The following POR variants were observed in gnomAD, a reference collection of about 807,000 sequenced individuals.
The protein encoded by POR is cytochrome p450 oxidoreductase.
Under a neutral mutation model 84.0 loss-of-function variants are expected in POR, and 56 were observed. The observed-to-expected ratio is 0.67, with a 90% confidence interval of 0.54 to 0.83. The LOEUF (loss-of-function observed/expected upper bound fraction) is 0.83, where lower values mean the gene tolerates loss of function less well. Ranked by LOEUF, POR falls within the 40% of genes least tolerant of loss-of-function variation. The pLI is 0.00. For synonymous variants in POR, 414 were observed against 400.5 expected, an observed-to-expected ratio of 1.03 and a Z score of -0.40; for missense variants, 938 against 944.3, an observed-to-expected ratio of 0.99 and a Z score of 0.09.
chr7:75,972,333 T>C (rs571153234), intron 2 of POR, 80 bp from the exon 3 acceptor site: 9 of 1,304,310 alleles, frequency 6.9e-6, no homozygotes, highest in African/African-American at 1.5e-5. Flanking sequence ...GAAACCTGCA[T>C]CTAAGGACAC....
At chr7:75,975,749 T>C (rs1788652550) in intron 3 of POR, among the ~76,000 whole-genome samples, 1 of 152,066 alleles carries the variant, frequency 6.6e-6, no homozygotes, top group African/African-American at 2.4e-5. Context: ...TTTTAATATA[T>C]GGATTCTTAC....
rs782633009 is a variant in POR at position 75,986,563 on chromosome 7, T to G, written c.*82T>G. ...TCCCTCCCGTAGTCTCCTGGGTGTG[T>G]TTGGCTTGGCCTTGGCATGGGCGCA... On this transcript the variant is annotated 3_prime_UTR_variant, in exon 16 of 16. Coordinates refer to ENST00000461988, the MANE Select transcript of POR (RefSeq NM_000941.3). 201 of 1,519,570 alleles carry G rather than the reference T, an allele frequency of 1.3e-4. No individual in the cohort carries two copies. The highest frequency in any genetic ancestry group is 1.7e-4 in the South Asian group (14 of 83,374). The allele number at this position is 1,519,570 out of a possible 1,614,324, so 94.1% of individuals were successfully genotyped here.
intron 1 of POR, among the ~76,000 whole-genome samples, chr7:75,925,651 C>T (rs1217409817): frequency 2.6e-5 from 4 of 152,200 alleles, no homozygotes; most frequent in Admixed American, 6.5e-5. Flanking sequence ...AAGCTCTCTT[C>T]GAGGTGCTGG....
At position 75,986,024 on chromosome 7, in the gene POR, C is replaced by T. The variant is rs1554559311; in HGVS notation, c.1771C>T (p.Leu591Phe). ...GGCGCAGTTCCACAGGGACGGTGCG[C>T]TCACCCAGCTCAACGTGGCCTTCTC... is the stretch of plus-strand genomic sequence containing the variant. The change falls in exon 14 of 16, where the codon CTC becomes TTC. Residue 591 changes from leucine (L) to phenylalanine (F), a missense_variant. Leu to Phe is a conservative substitution (Grantham distance 22). Coordinates refer to ENST00000461988, the MANE Select transcript of POR (RefSeq NM_000941.3). The T allele has an allele frequency of 6.4e-7, 1 of 1,562,112 alleles. No individual in the cohort carries two copies. Among genetic ancestry groups the T allele is most frequent in the Non-Finnish European group, 8.7e-7 (1 of 1,154,216 alleles).
At chr7:75,955,061 C>T (rs1194084185) in intron 2 of POR, among the ~76,000 whole-genome samples, 2 of 152,190 alleles carry the variant, frequency 1.3e-5, no homozygotes, top group Middle Eastern at 3.4e-3. Flanking sequence ...GGGCTGGTCT[C>T]GAACACCTGG....
At chr7:75,940,741 G>A (rs988977100) in intron 1 of POR, among the ~76,000 whole-genome samples, 11 of 150,862 alleles carry the variant, frequency 7.3e-5, no homozygotes, top group South Asian at 4.2e-4. Context: ...CTGAGATTGC[G>A]CCACTGTACT....
In POR at chr7:75,983,513, C is replaced by T; in HGVS notation, c.831-7C>T. 6.2e-7 allele frequency: 1 copy of T among 1,607,416 alleles called. No homozygotes were observed. Among genetic ancestry groups the T allele is most frequent in the Non-Finnish European group, 8.5e-7 (1 of 1,174,974 alleles). The stretch of plus-strand genomic sequence containing the variant: ...CCGCTCACTGTGCTTCTCTCCTCCC[C>T]ACCCAGCCCCTTTGATGCCAAGAAT... On this transcript the variant is annotated splice_region_variant and splice_polypyrimidine_tract_variant and intron_variant, in intron 8 of 15. Coordinates refer to ENST00000461988, the MANE Select transcript of POR (RefSeq NM_000941.3).
At chr7:75,968,205 A>C (rs543976648) in intron 2 of POR, 140 of 464,766 alleles carry the variant, frequency 3.0e-4, no homozygotes, top group Non-Finnish European at 5.6e-4. Context: ...CCCTCACTCG[A>C]GTGTGGGAGA....
chr7:75,940,592 G>A (rs889770036), intron 1 of POR, among the ~76,000 whole-genome samples: 2 of 150,882 alleles, frequency 1.3e-5, no homozygotes, highest in Non-Finnish European at 1.5e-5. Context: ...AGACCATCCT[G>A]GCTAATATGG....
chr7:75,936,274 T>C (rs868969306), intron 1 of POR, among the ~76,000 whole-genome samples: 1,534 of 151,118 alleles, frequency 0.01, 35 homozygotes, highest in African/African-American at 0.036. Context: ...TGGATAATTT[T>C]TTTTTTTTTT....
Position 75,985,183 on chromosome 7 carries a change from C to T in POR, c.1374C>T (p.Tyr458=). 6.3e-7 allele frequency: 1 copy of T among 1,597,638 alleles called. No homozygotes were observed. The change falls in exon 12 of 16, where the codon TAC becomes TAT. Residue 458 remains tyrosine, a synonymous_variant. Transcript: ENST00000461988. Reference sequence around the variant, plus strand: ...TGCTGCCGCGCCTGCAGGCCCGCTACTACTCCATCGCCTCATCCTCCAAGG... The same window carrying T: ...TGCTGCCGCGCCTGCAGGCCCGCTATTACTCCATCGCCTCATCCTCCAAGG...
chr7:75,936,133 C>G (rs1309744350), intron 1 of POR, among the ~76,000 whole-genome samples: 1 of 145,992 alleles, frequency 6.8e-6, no homozygotes, highest in African/African-American at 2.6e-5. Context: ...GCTCTGTCAC[C>G]CAGGCTAGAG....
At chr7:75,981,312 T>TCTGCCCTGCCC (rs1789028185) in intron 6 of POR, 140 bp downstream of exon 6, 1 of 1,344,522 alleles carries the variant, frequency 7.4e-7, no homozygotes, top group East Asian at 2.5e-5. Context: ...CTCTCCTGCC[T>TCTGCCCTGCCC]CTGCCCTGCC....
intron 1 of POR, among the ~76,000 whole-genome samples, chr7:75,917,683 G>A (rs1020766075): frequency 2.0e-5 from 3 of 151,750 alleles, no homozygotes; most frequent in South Asian, 2.1e-4. Context: ...TCGCTCTGTC[G>A]CCCAGGCTGG....
intron 1 of POR, among the ~76,000 whole-genome samples, chr7:75,926,284 T>C (rs1431559089): frequency 6.6e-6 from 1 of 151,684 alleles, no homozygotes; most frequent in Non-Finnish European, 1.5e-5. Context: ...CATGAGCCAC[T>C]GTACCTGGAC....
chr7:75,977,270 G>T (rs1377509331), intron 3 of POR, among the ~76,000 whole-genome samples: 1 of 152,204 alleles, frequency 6.6e-6, no homozygotes, highest in Non-Finnish European at 1.5e-5. Flanking sequence ...TTACTGGAGG[G>T]GCTGAAGGAG....
chr7:75,978,103 C>G (rs1788781435), intron 3 of POR, among the ~76,000 whole-genome samples: 1 of 152,182 alleles, frequency 6.6e-6, no homozygotes, highest in South Asian at 2.1e-4. Context: ...CAAAACACAT[C>G]CAGAATGCCC....
rs1249679647 is a variant in POR at position 75,985,617 on chromosome 7, GGAGTAC to G, written c.1441_1446del (p.Tyr481_Glu482del). The G allele has an allele frequency of 1.9e-6, 3 of 1,585,302 alleles. No homozygotes were observed. The highest frequency in any genetic ancestry group is 2.6e-6 in the Non-Finnish European group (3 of 1,164,714). ...CTGTGCACATCTGTGCGGTGGTTGT[GGAGTAC>G]GAGACCAAGGCTGGCCGCATCAACA... On this transcript the variant is annotated inframe_deletion, in exon 13 of 16. Transcript: ENST00000461988.
intron 1 of POR, among the ~76,000 whole-genome samples, chr7:75,949,918 G>A (rs1273936094): frequency 1.3e-5 from 2 of 151,774 alleles, no homozygotes; most frequent in South Asian, 4.2e-4. Context: ...GAGTGCAGTG[G>A]CACAATGTCA....
Sources: allele counts gnomAD v4.1 joint callset (sites outside exome capture counted in the v4.1 genomes callset), GRCh38; gene constraint gnomAD v4.1.1; transcripts MANE v1.5; gene names NCBI Gene and HGNC (gene_info 2026-07-23, HGNC 2026-07-21).